The following ARHGAP32 variants were observed in gnomAD, a reference collection of about 807,000 sequenced individuals.
ARHGAP32 encodes the protein Rho GTPase activating protein 32.
ARHGAP32 carries 51 observed loss-of-function variants against 186.5 expected under a neutral mutation model. The observed-to-expected ratio is 0.27, with a 90% confidence interval of 0.22 to 0.35. The LOEUF (loss-of-function observed/expected upper bound fraction) is 0.35, where lower values mean the gene tolerates loss of function less well. Ranked by LOEUF, ARHGAP32 falls within the 10% of genes least tolerant of loss-of-function variation. ARHGAP32 has a pLI of 1.00. For synonymous variants in ARHGAP32, 950 were observed against 964.3 expected, an observed-to-expected ratio of 0.99 and a Z score of 0.27; for missense variants, 2,186 against 2,623.5, an observed-to-expected ratio of 0.83 and a Z score of 3.64.
At chr11:129,024,383 G>A (rs999898935) in intron 11 of ARHGAP32, among the ~76,000 whole-genome samples, 2 of 152,250 alleles carry the variant, frequency 1.3e-5, no homozygotes, top group Middle Eastern at 3.4e-3. Flanking sequence ...TAAGTAGGTG[G>A]GAGACAGTGT....
rs920070531 is a variant in ARHGAP32 at position 129,263,458 on chromosome 11, C to T, written c.-5+15688G>A. Among the ~76,000 whole-genome samples, 16 of 151,828 alleles carry T rather than the reference C, an allele frequency of 1.1e-4. 1 individual carries two copies. In the South Asian group the frequency reaches 2.3e-3, roughly 22 times the overall value. On this transcript the variant is annotated intron_variant, in intron 1 of 6. Coordinates refer to the ARHGAP32 transcript ENST00000525234. ...TCAATGATGACATACAAGTGGCCAA[C>T]AAGCATATGAAAAAATGCTCACCAT...
rs750057705 is a variant in ARHGAP32 at position 129,064,892 on chromosome 11, T to C, written c.711A>G (p.Ser237=). 7.5e-6 allele frequency: 12 copies of C among 1,598,134 alleles called. No individual in the cohort carries two copies. In the Admixed American group the frequency reaches 2.1e-4, roughly 27 times the overall value. ...QMLMAYLSRL[S]AIAGNKINCG... ...AGTTGATCTTGTTGCCAGCGATAGCTGAAAGGCGTGACAGGTAAGCCATAA... is the reference window on the plus strand; with the variant it reads ...AGTTGATCTTGTTGCCAGCGATAGCCGAAAGGCGTGACAGGTAAGCCATAA... The change falls in exon 8 of 23, where the codon TCA becomes TCG. Residue 237 remains serine, a synonymous_variant. Coordinates refer to ENST00000682385, the MANE Select transcript of ARHGAP32 (RefSeq NM_001378024.1).
intron 1 of ARHGAP32, among the ~76,000 whole-genome samples, chr11:129,174,109 C>T (rs958251104): frequency 1.1e-4 from 16 of 152,158 alleles, no homozygotes; most frequent in African/African-American, 3.9e-4. Flanking sequence ...CAAAGCAGGG[C>T]GAGGCATTGC....
At chr11:129,089,072 AATC>A (rs1392232632) in intron 6 of ARHGAP32, among the ~76,000 whole-genome samples, 1 of 152,100 alleles carries the variant, frequency 6.6e-6, no homozygotes, top group African/African-American at 2.4e-5. Context: ...GCATGACAAA[AATC>A]AACAATTCTT....
chr11:129,274,908 A>T (rs898108232), intron 1 of ARHGAP32, among the ~76,000 whole-genome samples: 31 of 148,250 alleles, frequency 2.1e-4, no homozygotes, highest in Admixed American at 4.0e-4. Context: ...CATCTTTCTA[A>T]AAAAAAAAAA....
intron 5 of ARHGAP32, among the ~76,000 whole-genome samples, chr11:129,107,348 A>G (rs1171391704): frequency 1.3e-5 from 2 of 152,218 alleles, no homozygotes; most frequent in Non-Finnish European, 2.9e-5. Flanking sequence ...ATAAAAGGAC[A>G]CTAGACAGTA....
chr11:129,079,307 T>A lies in ARHGAP32; in HGVS notation c.532-12439A>T, dbSNP rs1424984501. On this transcript the variant is annotated intron_variant, in intron 6 of 22. Transcript: ENST00000682385. ...TGATCATCACCTAGGCCCATAGTCA[T>A]CAGGGTTTCTAAAGAAAAGAACCAT... Among the ~76,000 whole-genome samples the A allele has an allele frequency of 2.6e-5, 4 of 152,074 alleles. No individual in the cohort carries two copies. In the East Asian group the frequency reaches 7.7e-4, roughly 29 times the overall value.
intron 1 of ARHGAP32, among the ~76,000 whole-genome samples, chr11:129,269,875 C>T (rs899012710): frequency 2.6e-5 from 4 of 152,208 alleles, no homozygotes; most frequent in African/African-American, 2.4e-5. Context: ...CAAATGTGGA[C>T]AAGGATGTGG....
At chr11:129,116,728 G>T (rs1022472016) in intron 5 of ARHGAP32, among the ~76,000 whole-genome samples, 2 of 152,054 alleles carry the variant, frequency 1.3e-5, no homozygotes, top group East Asian at 3.9e-4. Context: ...AGGCTTAACT[G>T]ATAGGAAGTA....
intron 10 of ARHGAP32, among the ~76,000 whole-genome samples, chr11:129,051,828 G>A (rs1311120817): frequency 1.3e-5 from 2 of 151,758 alleles, no homozygotes; most frequent in Admixed American, 6.6e-5. Flanking sequence ...GGTGGCCTGC[G>A]CCTGTAGTCC....
chr11:128,969,865 A>G lies in ARHGAP32; in HGVS notation c.5348T>C (p.Val1783Ala), dbSNP rs1188640268. ...GGTCATGTTATCATATTGGGACATG[A>G]CAGGCCCTTTCACCTTCTGCCGAGC... ...SRARQKVKGP[V>A]MSQYDNMTPA... is the part of the protein sequence containing the mutation. The change falls in exon 23 of 23, where the codon GTC becomes GCC. Residue 1783 changes from valine (V) to alanine (A), a missense_variant. This residue lies in a region of ARHGAP32 where 1,502 missense variants were observed against 1,570.0 expected (regional missense o/e 0.96). Transcript: ENST00000682385. The surrounding 1 kb of genome is among the most constrained non-coding windows in gnomAD (Gnocchi z 4.8). 6.2e-7 allele frequency: 1 copy of G among 1,614,158 alleles called. No homozygotes were observed. Among genetic ancestry groups the G allele is most frequent in the African/African-American group, 1.3e-5 (1 of 75,022 alleles).
At chr11:129,204,400 C>T (rs1242559459) in intron 1 of ARHGAP32, among the ~76,000 whole-genome samples, 1 of 151,806 alleles carries the variant, frequency 6.6e-6, no homozygotes, top group Non-Finnish European at 1.5e-5. Context: ...AGGATGAAAT[C>T]AATAGGGGTA....
At chr11:129,164,462 T>C (rs1240908169) in intron 1 of ARHGAP32, 35 bp from the exon 2 acceptor site, 1 of 1,250,284 alleles carries the variant, frequency 8.0e-7, no homozygotes, top group Non-Finnish European at 1.1e-6. Context: ...CTGATAAGAA[T>C]TTCCAATTCT....
chr11:129,263,067 T>C (rs1945345837), intron 1 of ARHGAP32, among the ~76,000 whole-genome samples: 2 of 152,110 alleles, frequency 1.3e-5, no homozygotes, highest in Non-Finnish European at 2.9e-5. Context: ...ATTAGAGTCT[T>C]ACCTTATACC....
chr11:129,237,696 A>G (rs1159509849), intron 1 of ARHGAP32, among the ~76,000 whole-genome samples: 7 of 152,202 alleles, frequency 4.6e-5, no homozygotes, highest in Non-Finnish European at 1.0e-4. Context: ...TGAGGGCAAC[A>G]AAGTGATAGG....
intron 1 of ARHGAP32, among the ~76,000 whole-genome samples, chr11:129,241,116 T>C (rs952777170): frequency 6.6e-6 from 1 of 152,204 alleles, no homozygotes; most frequent in African/African-American, 2.4e-5. Flanking sequence ...ACCTATGAGA[T>C]GTAAGGAATA....
intron 1 of ARHGAP32, among the ~76,000 whole-genome samples, chr11:129,182,295 TA>T (rs576751868): frequency 3.3e-5 from 5 of 151,974 alleles, no homozygotes; most frequent in Middle Eastern, 3.4e-3. Context: ...TTTTCTACAG[TA>T]AAAAAAATAT....
chr11:129,231,915 C>T (rs765938283), intron 1 of ARHGAP32, among the ~76,000 whole-genome samples: 1 of 145,740 alleles, frequency 6.9e-6, no homozygotes, highest in Non-Finnish European at 1.5e-5. Context: ...GTCCCAACTT[C>T]TAAGGAGGCT....
At chr11:129,034,618 G>C (rs927740616) in intron 11 of ARHGAP32, among the ~76,000 whole-genome samples, 1 of 151,362 alleles carries the variant, frequency 6.6e-6, no homozygotes, top group African/African-American at 2.4e-5. Flanking sequence ...AGAAAAATAC[G>C]AGAATTGAAG....
Sources: allele counts gnomAD v4.1 joint callset (sites outside exome capture counted in the v4.1 genomes callset), GRCh38; gene constraint gnomAD v4.1.1; regional missense constraint gnomAD v4.1.1; non-coding constraint Gnocchi (gnomAD v3.1); transcripts MANE v1.5; gene names NCBI Gene and HGNC (gene_info 2026-07-23, HGNC 2026-07-21).